The following NLRP8 variants were observed in gnomAD, a reference collection of about 807,000 sequenced individuals.
NLRP8 encodes the protein NACHT, LRR and PYD domains-containing protein 8.
NLRP8 carries 86 observed loss-of-function variants against 88.7 expected under a neutral mutation model. That is an observed-to-expected ratio of 0.97 (90% CI 0.81 to 1.16). The LOEUF is 1.16. Ranked by LOEUF, NLRP8 falls within the 50% of genes most tolerant of loss-of-function variation. The pLI, the probability that NLRP8 is intolerant of heterozygous loss-of-function variation, is 0.00. For synonymous variants in NLRP8, 504 were observed against 494.6 expected, an observed-to-expected ratio of 1.02 and a Z score of -0.25; for missense variants, 1,342 against 1,286.5, an observed-to-expected ratio of 1.04 and a Z score of -0.66.
chr19:55,987,456 G>C (rs1230228877), intron 9 of NLRP8, among the ~76,000 whole-genome samples: 1 of 152,362 alleles, frequency 6.6e-6, no homozygotes, highest in African/African-American at 2.4e-5. Context: ...TAGGAGTCCA[G>C]AGGGTGTTTT....
intron 9 of NLRP8, among the ~76,000 whole-genome samples, 110 bp from the exon 10 acceptor site, chr19:55,980,949 G>A (rs535209296): frequency 6.6e-6 from 1 of 152,208 alleles, no homozygotes; most frequent in Middle Eastern, 3.4e-3. Context: ...TGGGGCCATG[G>A]TGGTCTCCTA....
In NLRP8 at chr19:55,988,283, T is replaced by A. The variant is rs1347230973; in HGVS notation, c.*370T>A. ...GGTGGTGGGCTCCTGTAATCCCAGC[T>A]GCTCGGGAGGCTGAGGCAGGAGAAT... On this transcript the variant is annotated 3_prime_UTR_variant, in exon 10 of 10. Transcript: ENST00000291971. 6.2e-6 allele frequency: 1 copy of A among 161,316 alleles called. No homozygotes were observed. The highest frequency in any genetic ancestry group is 1.3e-5 in the Non-Finnish European group (1 of 74,352). The allele number at this position is 161,316 out of a possible 1,614,324, so 10.0% of individuals were successfully genotyped here.
At chr19:55,961,904 C>A (rs117158881) in intron 3 of NLRP8, among the ~76,000 whole-genome samples, 163 bp from the exon 4 acceptor site, 2,854 of 152,232 alleles carry the variant, frequency 0.019, 53 homozygotes, top group Middle Eastern at 0.031. Flanking sequence ...AAATGAGAAA[C>A]CTCGTGATGG....
At chr19:55,949,361 C>T (rs1051702459) in intron 1 of NLRP8, among the ~76,000 whole-genome samples, 2 of 152,036 alleles carry the variant, frequency 1.3e-5, no homozygotes, top group Non-Finnish European at 2.9e-5. Context: ...CCTCAGCCTC[C>T]CCAGTAGCTG....
In NLRP8 at chr19:55,956,061, A is replaced by G. The variant is rs1568460244; in HGVS notation, c.2003A>G (p.Asn668Ser). Residue 668 changes from asparagine (N) to serine (S), a missense_variant, in exon 3 of 10, where the codon AAC becomes AGC. Asn to Ser is a conservative substitution (Grantham distance 46). Coordinates refer to ENST00000291971, the MANE Select transcript of NLRP8 (RefSeq NM_176811.2). ...CTGACCGTCACCCTGAACTTCATGA[A>G]CGTGTGGAAGCTCAGCTCCAGCTCC... 3 of 1,613,956 alleles carry G rather than the reference A, an allele frequency of 1.9e-6. No individual in the cohort carries two copies. The highest frequency in any genetic ancestry group is 2.5e-6 in the Non-Finnish European group (3 of 1,179,916).
Position 55,963,017 on chromosome 19 carries a change from T to TC in NLRP8, c.2213+788dup, listed in dbSNP as rs908222282. On this transcript the variant is annotated intron_variant, in intron 4 of 9. Transcript: ENST00000291971. ...TTTGAAGTATTAATATGTACTATTA[T>TC]CCCCCCCCTTTTTTAAAACAGAGTC... Among the ~76,000 whole-genome samples the TC allele has an allele frequency of 2.6e-4, 40 of 151,128 alleles. 1 individual carries two copies. Among genetic ancestry groups the TC allele is most frequent in the Admixed American group, 7.9e-4 (12 of 15,112 alleles).
rs1445801696 is a variant in NLRP8, at chr19:55,988,440, G to GTATATA, written c.*528_*529insATATAT. On this transcript the variant is annotated 3_prime_UTR_variant, in exon 10 of 10. Transcript: ENST00000291971. ...TATACACATAAATATATATATGTGT[G>GTATATA]TGTGTATATATATATATATATATAT... 492 of 100,512 alleles carry GTATATA rather than the reference G, an allele frequency of 4.9e-3. 3 individuals are homozygous for GTATATA. Among genetic ancestry groups the GTATATA allele is most frequent in the African/African-American group, 5.6e-3 (137 of 24,408 alleles). 6.2% of individuals were successfully genotyped at this position (100,512 alleles called of 1,614,324 possible).
intron 1 of NLRP8, among the ~76,000 whole-genome samples, chr19:55,948,507 C>G (rs1198166824): frequency 6.6e-6 from 1 of 152,202 alleles, no homozygotes; most frequent in Non-Finnish European, 1.5e-5. Context: ...ACAATCTCGG[C>G]TCACTGCAAA....
At position 55,955,427 on chromosome 19, in the gene NLRP8, T is replaced by A; in HGVS notation, c.1369T>A (p.Leu457Met). The stretch of plus-strand genomic sequence containing the variant: ...AGCACAACTGGAAGGTCTGTGTCAC[T>A]TGGCCGCAGACAGCATGTGGCACAG... Residue 457 changes from leucine to methionine, a missense_variant, in exon 3 of 10, where the codon TTG becomes ATG. Coordinates refer to ENST00000291971, the MANE Select transcript of NLRP8 (RefSeq NM_176811.2). 1 of 1,614,204 alleles carries A rather than the reference T, an allele frequency of 6.2e-7. No homozygotes were observed. Among genetic ancestry groups the A allele is most frequent in the East Asian group, 2.2e-5 (1 of 44,882 alleles).
rs1365781953 is a variant in NLRP8, at chr19:55,955,307, A to G, written c.1249A>G (p.Thr417Ala). ...GCAAATGGAGAGAGGAAACAATCTC[A>G]CACAGTCATGTCCAAATGCCACCTC... The change falls in exon 3 of 10, where the codon ACA becomes GCA. Residue 417 changes from threonine (T) to alanine (A), a missense_variant. Coordinates refer to ENST00000291971, the MANE Select transcript of NLRP8 (RefSeq NM_176811.2). 6.2e-7 allele frequency: 1 copy of G among 1,614,020 alleles called. No individual in the cohort carries two copies. The highest frequency in any genetic ancestry group is 1.1e-5 in the South Asian group (1 of 91,080).
In NLRP8 at chr19:55,955,654, G is replaced by C; in HGVS notation, c.1596G>C (p.Val532=). Residue 532 remains valine (V), a synonymous_variant, in exon 3 of 10, where the codon GTG becomes GTC. Transcript: ENST00000291971. ...CACAAAGACTCAAAAATTTTCATGT[G>C]TTGAGCCACGTGAATATCCAGCGCC... 1 of 1,614,206 alleles carries C rather than the reference G, an allele frequency of 6.2e-7. No individual in the cohort carries two copies. Among genetic ancestry groups the C allele is most frequent in the East Asian group, 2.2e-5 (1 of 44,884 alleles).
intron 9 of NLRP8, among the ~76,000 whole-genome samples, chr19:55,984,420 C>T (rs111859974): frequency 6.6e-6 from 1 of 151,160 alleles, no homozygotes. Flanking sequence ...TTTGGGAGGC[C>T]GAAGCGGGGG....
intron 9 of NLRP8, among the ~76,000 whole-genome samples, chr19:55,984,655 CAAAA>C (rs149144840): frequency 1.9e-5 from 1 of 51,418 alleles, no homozygotes; most frequent in Non-Finnish European, 4.3e-5. Flanking sequence ...ACACTGTCTC[CAAAA>C]AAAAAAAAAA....
intron 2 of NLRP8, 58 bp downstream of exon 2, chr19:55,952,670 G>A (rs1979149033): frequency 2.2e-6 from 3 of 1,391,408 alleles, no homozygotes; most frequent in East Asian, 2.3e-5. Flanking sequence ...ACTGGGATGA[G>A]CTGCTCAGTT....
chr19:55,950,934 C>T (rs913817623), intron 1 of NLRP8, among the ~76,000 whole-genome samples: 7 of 152,078 alleles, frequency 4.6e-5, no homozygotes, highest in African/African-American at 1.4e-4. Context: ...AGAAATTAGC[C>T]GGGCGTGGTG....
Position 55,975,636 on chromosome 19 carries a change from C to A in NLRP8, c.2706-497C>A, listed in dbSNP as rs146299076. ...ATACTGATTCATGCTACAGCATGGA[C>A]GAATCTTCAAAATATTATGGTAGAT... On this transcript the variant is annotated intron_variant, in intron 7 of 9. Coordinates refer to ENST00000291971, the MANE Select transcript of NLRP8 (RefSeq NM_176811.2). 3.3e-5 allele frequency among the ~76,000 whole-genome samples: 5 copies of A among 152,170 alleles called. No individual in the cohort carries two copies. The East Asian group carries it at 9.6e-4, about 29-fold the overall frequency.
At position 55,976,309 on chromosome 19, in the gene NLRP8, T is replaced by G. The variant is rs375812253; in HGVS notation, c.2876+6T>G. 194 of 1,592,086 alleles carry G rather than the reference T, an allele frequency of 1.2e-4. No individual in the cohort carries two copies. Among genetic ancestry groups the G allele is most frequent in the Non-Finnish European group, 1.6e-4 (190 of 1,173,116 alleles). ...TGTACATTACAGATCCTGGAGTAAG[T>G]GGCCCCTCGTCTCCTCCTGTGAGAC... On this transcript the variant is annotated splice_donor_region_variant and intron_variant, in intron 8 of 9. Coordinates refer to ENST00000291971, the MANE Select transcript of NLRP8 (RefSeq NM_176811.2).
In NLRP8 at chr19:55,970,694, G is replaced by A. The variant is rs776833597; in HGVS notation, c.2532G>A (p.Leu844=). 1 of 1,614,052 alleles carries A rather than the reference G, an allele frequency of 6.2e-7. No homozygotes were observed. Among genetic ancestry groups the A allele is most frequent in the Non-Finnish European group, 8.5e-7 (1 of 1,179,952 alleles). The change falls in exon 6 of 10, where the codon CTG becomes CTA. Residue 844 remains leucine, a splice_region_variant and synonymous_variant. Coordinates refer to ENST00000291971, the MANE Select transcript of NLRP8 (RefSeq NM_176811.2). The stretch of plus-strand genomic sequence containing the variant: ...TGTCTGTGGCCCAGCTGGAGAGGCT[G>A]TCGTAAGTCTCCTTTCTAGTGGCTG...
At chr19:55,980,934 C>T (rs1337118107) in intron 9 of NLRP8, among the ~76,000 whole-genome samples, 125 bp from the exon 10 acceptor site, 3 of 152,138 alleles carry the variant, frequency 2.0e-5, no homozygotes, top group Non-Finnish European at 2.9e-5. Flanking sequence ...TCTTGACCTA[C>T]TGCATGGGGC....
Sources: allele counts gnomAD v4.1 joint callset (sites outside exome capture counted in the v4.1 genomes callset), GRCh38; gene constraint gnomAD v4.1.1; transcripts MANE v1.5; gene names NCBI Gene and HGNC (gene_info 2026-07-23, HGNC 2026-07-21).